Variants in TAFA5 observed in about 807,000 individuals in gnomAD.
The protein encoded by TAFA5 is TAFA chemokine like family member 5, also known as chemokine-like protein TAFA-5.
TAFA5 carries 6 observed loss-of-function variants against 15.3 expected under a neutral mutation model. That is an observed-to-expected ratio of 0.39 (90% CI 0.21 to 0.77). The LOEUF is 0.77. TAFA5 is among the 30% of genes least tolerant of loss of function. The probability of loss-of-function intolerance (pLI) is 0.41; values close to 1 mark genes in which losing one functional copy is unlikely to be tolerated. For synonymous variants in TAFA5, 103 were observed against 80.7 expected (o/e 1.28, Z -1.48); for missense variants, 161 against 193.1 (o/e 0.83, Z 0.98).
chr22:48,497,218 C>T (rs1012531412), intron 1 of TAFA5, among the ~76,000 whole-genome samples: 2 of 152,254 alleles, frequency 1.3e-5, no homozygotes, highest in Non-Finnish European at 2.9e-5. Context: ...GCGCCTCCCT[C>T]CTTCCCGTAT....
chr22:48,708,737 T>A (rs1249052287), intron 3 of TAFA5, among the ~76,000 whole-genome samples: 2 of 152,120 alleles, frequency 1.3e-5, no homozygotes, highest in Non-Finnish European at 2.9e-5. Flanking sequence ...TGGGAATAGG[T>A]CAGGGAGATC....
At position 48,513,460 on chromosome 22, in the gene TAFA5, G is replaced by GC. The variant is rs577593474; in HGVS notation, c.112+23763dup. On this transcript the variant is annotated intron_variant, in intron 1 of 3. Coordinates refer to ENST00000402357, the MANE Select transcript of TAFA5 (RefSeq NM_001082967.3). Reference sequence around the variant, plus strand: ...CCTTCTGTCATGGGCGGCTCTAAGAGCCCCCCCAATAGAAGGACAGACTGG... The same window carrying GC: ...CCTTCTGTCATGGGCGGCTCTAAGAGCCCCCCCCAATAGAAGGACAGACTGG... Among the ~76,000 whole-genome samples the GC allele has an allele frequency of 9.7e-3, 1,477 of 152,192 alleles. 27 individuals carry two copies. Among genetic ancestry groups the GC allele is most frequent in the African/African-American group, 0.033 (1,379 of 41,530 alleles).
chr22:48,670,528 C>T (rs1034234022), intron 2 of TAFA5, among the ~76,000 whole-genome samples: 10 of 152,232 alleles, frequency 6.6e-5, no homozygotes, highest in African/African-American at 7.2e-5. Flanking sequence ...GCCCCACTCC[C>T]GGCCCCGCAC....
intron 2 of TAFA5, among the ~76,000 whole-genome samples, chr22:48,686,636 A>G (rs1928362274): frequency 1.3e-5 from 2 of 152,240 alleles, no homozygotes; most frequent in South Asian, 2.1e-4. Context: ...GAATGGATGG[A>G]TGGATGGACA....
chr22:48,707,687 C>A (rs76309472), intron 2 of TAFA5, 30 bp from the exon 3 acceptor site: 3 of 1,611,348 alleles, frequency 1.9e-6, no homozygotes, highest in Non-Finnish European at 1.7e-6. Context: ...GAGAGTAGCA[C>A]GCTGATTGCC....
intron 1 of TAFA5, among the ~76,000 whole-genome samples, chr22:48,641,387 G>C (rs1041962482): frequency 6.6e-6 from 1 of 152,134 alleles, no homozygotes; most frequent in Non-Finnish European, 1.5e-5. Context: ...GGTCCTGGGG[G>C]CTGGAGGGGT....
At position 48,569,186 on chromosome 22, in the gene TAFA5, C is replaced by G. The variant is rs533208106; in HGVS notation, c.113-77411C>G. Among the ~76,000 whole-genome samples, 161 of 152,214 alleles carry G rather than the reference C, an allele frequency of 1.1e-3. 2 individuals carry two copies. Among genetic ancestry groups the G allele is most frequent in the African/African-American group, 3.7e-3 (153 of 41,534 alleles). On this transcript the variant is annotated intron_variant, in intron 1 of 3. Coordinates refer to ENST00000402357, the MANE Select transcript of TAFA5 (RefSeq NM_001082967.3). Reference sequence around the variant, plus strand: ...GGGTGTGCCAAGTACTGCAGGTGGCCGCAGTTACTCAGAAGAGGGCAATCT... The same window carrying G: ...GGGTGTGCCAAGTACTGCAGGTGGCGGCAGTTACTCAGAAGAGGGCAATCT...
At chr22:48,555,285 G>C (rs1404671409) in intron 1 of TAFA5, among the ~76,000 whole-genome samples, 1 of 152,202 alleles carries the variant, frequency 6.6e-6, no homozygotes, top group Non-Finnish European at 1.5e-5. Context: ...GGCACGACCG[G>C]CTTCCCAGGT....
chr22:48,638,432 AGG>A (rs1926538065), intron 1 of TAFA5, among the ~76,000 whole-genome samples: 1 of 63,220 alleles, frequency 1.6e-5, no homozygotes, highest in Non-Finnish European at 4.0e-5. Flanking sequence ...CACCGCACAC[AGG>A]CAGCACCCCT....
At chr22:48,542,575 TGTGTGTGC>T (rs1922476700) in intron 1 of TAFA5, among the ~76,000 whole-genome samples, 1 of 58,714 alleles carries the variant, frequency 1.7e-5, no homozygotes, top group Non-Finnish European at 3.3e-5. Flanking sequence ...GTGTGTGTGG[TGTGTGTGC>T]GGGTGTGTGG....
At chr22:48,494,112 G>T (rs1447195220) in intron 1 of TAFA5, among the ~76,000 whole-genome samples, 1 of 152,186 alleles carries the variant, frequency 6.6e-6, no homozygotes, top group African/African-American at 2.4e-5. Context: ...CTGAGCTCAG[G>T]ATCTGCCACT....
rs141871355 is a variant in TAFA5 at position 48,616,090 on chromosome 22, C to T, written c.113-30507C>T. On this transcript the variant is annotated intron_variant, in intron 1 of 3. Transcript: ENST00000402357. ...AACACCGGCCTGGTGTGCTGATTCTCTGGGACCCTGGAGCTGGGCCTGGGG... is the reference window on the plus strand; with the variant it reads ...AACACCGGCCTGGTGTGCTGATTCTTTGGGACCCTGGAGCTGGGCCTGGGG... 3.4e-4 allele frequency among the ~76,000 whole-genome samples: 52 copies of T among 152,176 alleles called. No homozygotes were observed. The East Asian group carries it at 6.4e-3, about 19-fold the overall frequency.
intron 1 of TAFA5, among the ~76,000 whole-genome samples, chr22:48,603,021 GC>G (rs934104072): frequency 6.6e-5 from 10 of 152,184 alleles, no homozygotes; most frequent in Non-Finnish European, 1.3e-4. Flanking sequence ...GGTCCTCGGG[GC>G]CACCCCACCG....
intron 1 of TAFA5, chr22:48,576,317 T>A: frequency 2.3e-5 from 21 of 920,292 alleles, no homozygotes; most frequent in Admixed American, 6.4e-5. Flanking sequence ...AAGACACAAA[T>A]CGCCTCCCGG....
intron 2 of TAFA5, among the ~76,000 whole-genome samples, chr22:48,687,210 T>C (rs1481223964): frequency 6.8e-6 from 1 of 146,730 alleles, no homozygotes; most frequent in Non-Finnish European, 1.5e-5. Flanking sequence ...GGGTGGGTGG[T>C]GTATGGTGGA....
intron 1 of TAFA5, chr22:48,576,320 C>T (rs1429784218): frequency 1.0e-5 from 12 of 1,202,246 alleles, no homozygotes; most frequent in Non-Finnish European, 1.2e-5. Context: ...ACACAAATCG[C>T]CTCCCGGAGT....
chr22:48,638,004 C>G (rs558619136), intron 1 of TAFA5, among the ~76,000 whole-genome samples: 1 of 152,178 alleles, frequency 6.6e-6, no homozygotes, highest in Admixed American at 6.5e-5. Flanking sequence ...ACAAGACAGT[C>G]GCTGAGGACA....
chr22:48,542,321 T>G (rs1922432238), intron 1 of TAFA5, among the ~76,000 whole-genome samples: 1 of 130,364 alleles, frequency 7.7e-6, no homozygotes, highest in African/African-American at 3.0e-5. Context: ...TGTATGTGTG[T>G]GTGATGTGTG....
At chr22:48,656,768 T>A (rs867952183) in intron 2 of TAFA5, among the ~76,000 whole-genome samples, 1,006 of 30,684 alleles carry the variant, frequency 0.033, 36 homozygotes, top group African/African-American at 0.086. Flanking sequence ...TTTTTTTTTT[T>A]TTTTTTTTTT....
Sources: allele counts gnomAD v4.1 joint callset (sites outside exome capture counted in the v4.1 genomes callset), GRCh38; gene constraint gnomAD v4.1.1; transcripts MANE v1.5; gene names NCBI Gene and HGNC (gene_info 2026-07-23, HGNC 2026-07-21).